The following CSMD1 variants were observed in gnomAD, a reference collection of about 807,000 sequenced individuals.
CSMD1 encodes CUB and sushi domain-containing protein 1.
A neutral mutation model predicts 417.5 loss-of-function variants in CSMD1; 213 were observed. The observed-to-expected ratio is 0.51, with a 90% CI of 0.46 to 0.57. The LOEUF is 0.57. Among genes scored for constraint, CSMD1 ranks in the 20% least tolerant of loss-of-function variants. CSMD1 has a pLI of 0.00. For synonymous variants in CSMD1, 2,862 were observed against 1,736.8 expected, an observed-to-expected ratio of 1.65 and a Z score of -16.11; for missense variants, 6,923 against 4,529.7, an observed-to-expected ratio of 1.53 and a Z score of -15.17.
chr8:4,325,223 T>C (rs941902101), intron 3 of CSMD1, among the ~76,000 whole-genome samples: 1 of 152,168 alleles, frequency 6.6e-6, no homozygotes, highest in African/African-American at 2.4e-5. Flanking sequence ...TTCCAGGGAT[T>C]CCCCTGAACC....
intron 3 of CSMD1, among the ~76,000 whole-genome samples, chr8:4,151,937 G>A (rs923746552): frequency 6.6e-6 from 1 of 152,116 alleles, no homozygotes; most frequent in Non-Finnish European, 1.5e-5. Flanking sequence ...AGTTTTGCCT[G>A]CATAAAATCA....
At chr8:3,132,999 C>A (rs1176838515) in intron 41 of CSMD1, among the ~76,000 whole-genome samples, 3 of 152,332 alleles carry the variant, frequency 2.0e-5, no homozygotes, top group African/African-American at 2.4e-5. Context: ...AGGAACCTCT[C>A]CCACTTGGCC....
intron 3 of CSMD1, among the ~76,000 whole-genome samples, chr8:4,188,919 G>A (rs996356329): frequency 5.9e-5 from 9 of 152,208 alleles, no homozygotes; most frequent in East Asian, 1.9e-4. Flanking sequence ...CATAGCTGCT[G>A]GGTTTCTCCC....
At chr8:3,258,298 A>T (rs1156768909) in intron 26 of CSMD1, among the ~76,000 whole-genome samples, 1 of 152,188 alleles carries the variant, frequency 6.6e-6, no homozygotes, top group Non-Finnish European at 1.5e-5. Context: ...ATGAACAGAC[A>T]CTTTTTAAAA....
chr8:4,185,950 G>T (rs894729454), intron 3 of CSMD1, among the ~76,000 whole-genome samples: 5 of 152,096 alleles, frequency 3.3e-5, no homozygotes, highest in Admixed American at 1.3e-4. Context: ...TCAGCTTAAG[G>T]TCTACGGTGG....
intron 2 of CSMD1, among the ~76,000 whole-genome samples, chr8:4,601,804 A>G (rs1800600415): frequency 6.6e-6 from 1 of 152,178 alleles, no homozygotes; most frequent in South Asian, 2.1e-4. Context: ...AACTTGATTT[A>G]TCCATGTCTG....
At chr8:4,250,621 C>T (rs745542314) in intron 3 of CSMD1, among the ~76,000 whole-genome samples, 3 of 152,172 alleles carry the variant, frequency 2.0e-5, no homozygotes, top group Admixed American at 6.5e-5. Flanking sequence ...CAAAATAGTA[C>T]AGCAGTTCCT....
At chr8:4,847,620 G>A (rs763638313) in intron 1 of CSMD1, among the ~76,000 whole-genome samples, 1 of 151,738 alleles carries the variant, frequency 6.6e-6, no homozygotes, top group East Asian at 1.9e-4. Context: ...ATCTCTTCCA[G>A]GACCCCACCG....
At chr8:4,518,281 G>T (rs769655457) in intron 2 of CSMD1, among the ~76,000 whole-genome samples, 30 of 151,722 alleles carry the variant, frequency 2.0e-4, no homozygotes, top group South Asian at 4.2e-4. Flanking sequence ...CCGACGCCCA[G>T]CAGCAGCAGC....
intron 3 of CSMD1, among the ~76,000 whole-genome samples, chr8:4,314,065 C>G (rs560055502): frequency 6.6e-6 from 1 of 151,564 alleles, no homozygotes; most frequent in African/African-American, 2.4e-5. Flanking sequence ...TCCAGTTAAA[C>G]TTGCTTTCTT....
At chr8:4,459,505 A>C (rs538305394) in intron 2 of CSMD1, among the ~76,000 whole-genome samples, 23 of 152,338 alleles carry the variant, frequency 1.5e-4, no homozygotes, top group African/African-American at 5.5e-4. Flanking sequence ...TCTCAAAAAT[A>C]AATGGAAATT....
intron 3 of CSMD1, among the ~76,000 whole-genome samples, chr8:4,273,946 A>C (rs1316473315): frequency 6.6e-6 from 1 of 152,162 alleles, no homozygotes; most frequent in Non-Finnish European, 1.5e-5. Context: ...AGGCTGTTGA[A>C]GTGTCCTGGG....
intron 1 of CSMD1, among the ~76,000 whole-genome samples, chr8:4,993,382 C>G (rs934152123): frequency 1.0e-5 from 1 of 98,460 alleles, no homozygotes; most frequent in Non-Finnish European, 2.9e-5. Context: ...TCAGTATTCT[C>G]TCTCTCTCTG....
intron 5 of CSMD1, among the ~76,000 whole-genome samples, chr8:3,832,336 T>A (rs192835453): frequency 6.6e-6 from 1 of 152,224 alleles, no homozygotes; most frequent in South Asian, 2.1e-4. Context: ...GTTCAAAATA[T>A]ATACCGCAAA....
chr8:4,919,090 T>C (rs1023659457), intron 1 of CSMD1, among the ~76,000 whole-genome samples: 1 of 152,162 alleles, frequency 6.6e-6, no homozygotes, highest in African/African-American at 2.4e-5. Flanking sequence ...ACAGAGAAAA[T>C]AATGATTATG....
chr8:3,826,564 T>G (rs544918695), intron 5 of CSMD1, among the ~76,000 whole-genome samples: 1 of 152,226 alleles, frequency 6.6e-6, no homozygotes, highest in East Asian at 1.9e-4. Flanking sequence ...AGCGCCTCTC[T>G]CTGGGTTGAG....
intron 3 of CSMD1, among the ~76,000 whole-genome samples, chr8:4,176,357 T>A (rs969434568): frequency 2.0e-5 from 3 of 152,122 alleles, no homozygotes; most frequent in African/African-American, 7.2e-5. Flanking sequence ...TAAATTAGTA[T>A]GACAACAATC....
chr8:3,879,177 TA>T (rs1806039266), intron 5 of CSMD1, among the ~76,000 whole-genome samples: 1 of 152,160 alleles, frequency 6.6e-6, no homozygotes, highest in Admixed American at 6.5e-5. Context: ...GGTGGTGGTT[TA>T]TTACAGCACA....
At chr8:4,320,636 G>A (rs1443053857) in intron 3 of CSMD1, among the ~76,000 whole-genome samples, 2 of 151,782 alleles carry the variant, frequency 1.3e-5, no homozygotes, top group African/African-American at 2.4e-5. Flanking sequence ...GTGTTACTTT[G>A]CTGAGAATGA....
Sources: gnomAD v4.1 joint callset for allele counts (sites outside exome capture counted in the v4.1 genomes callset) on GRCh38, gnomAD v4.1.1 for gene constraint, MANE v1.5 for transcripts, NCBI Gene and HGNC (gene_info 2026-07-23, HGNC 2026-07-21) for gene names.